Variants in KIF9 observed in about 807,000 individuals in gnomAD.
KIF9 encodes the protein kinesin-like protein KIF9.
KIF9 carries 68 observed loss-of-function variants against 94.8 expected under a neutral mutation model. That is an observed-to-expected ratio of 0.72 (90% CI 0.59 to 0.88). The LOEUF (loss-of-function observed/expected upper bound fraction) is 0.88. KIF9 is among the 40% of genes least tolerant of loss of function. The pLI is 0.00. For missense variants in KIF9, 882 were observed against 982.5 expected (o/e 0.90, Z 1.37); for synonymous variants, 343 against 362.1 (o/e 0.95, Z 0.60).
intron 9 of KIF9, among the ~76,000 whole-genome samples, chr3:47,258,009 C>G (rs1404942806): frequency 6.6e-6 from 1 of 152,168 alleles, no homozygotes. Context: ...CGTTTCTGCC[C>G]CTTCCACAAA....
At chr3:47,249,863 C>T (rs1407889279) in intron 10 of KIF9, among the ~76,000 whole-genome samples, 1 of 152,060 alleles carries the variant, frequency 6.6e-6, no homozygotes, top group African/African-American at 2.4e-5. Context: ...TTCGAGACCA[C>T]CCTTGTGAAA....
chr3:47,247,453 C>A lies in KIF9; in HGVS notation c.1153G>T (p.Asp385Tyr). The A allele has an allele frequency of 1.2e-6, 2 of 1,613,712 alleles. No homozygotes were observed. The highest frequency in any genetic ancestry group is 1.3e-5 in the African/African-American group (1 of 75,060). ...GCAATCTGGATTTCATCCATGGGGT[C>A]ATAGGTCACAAAGGTGCGGTTGGTC... ...SLTNRTFVTY[D>Y]PMDEIQIAEI... is the part of the protein sequence containing the mutation. Residue 385 changes from aspartate to tyrosine, a missense_variant, in exon 12 of 21, where the codon GAC becomes TAC. By Grantham distance (160) the Asp-to-Tyr change is radical. Transcript: ENST00000684063.
chr3:47,260,061 CG>C (rs1001713404), intron 9 of KIF9, among the ~76,000 whole-genome samples: 1 of 118,226 alleles, frequency 8.5e-6, no homozygotes, highest in African/African-American at 3.3e-5. Flanking sequence ...TGGAATGTCT[CG>C]GTATAAAACC....
At position 47,236,160 on chromosome 3, in the gene KIF9, G is replaced by T. The variant is rs375567605; in HGVS notation, c.2102-11C>A. The T allele has an allele frequency of 1.3e-5, 20 of 1,595,684 alleles. No homozygotes were observed. The highest frequency in any genetic ancestry group is 1.7e-5 in the Non-Finnish European group (20 of 1,163,408). On this transcript the variant is annotated splice_polypyrimidine_tract_variant and intron_variant, in intron 18 of 20. Coordinates refer to ENST00000684063, the MANE Select transcript of KIF9 (RefSeq NM_182902.4). ...ACCAGATGTCAAATTCTACAAGGAG[G>T]TGAGGAGACAGAACTTGAGGAAGCC...
chr3:47,266,177 C>T (rs560160149), intron 7 of KIF9: 103 of 295,750 alleles, frequency 3.5e-4, no homozygotes, highest in African/African-American at 1.9e-3. Flanking sequence ...TGAATATGTA[C>T]TGAAATACTT....
chr3:47,233,307 A>G (rs1004921992), intron 20 of KIF9, among the ~76,000 whole-genome samples: 1 of 146,214 alleles, frequency 6.8e-6, no homozygotes, highest in African/African-American at 2.5e-5. Flanking sequence ...AGTTGCAGTG[A>G]GCCAAGACTG....
chr3:47,274,560 T>C (rs570812923), intron 3 of KIF9, among the ~76,000 whole-genome samples: 25 of 152,310 alleles, frequency 1.6e-4, no homozygotes, highest in Non-Finnish European at 2.6e-4. Flanking sequence ...AGCATCTGAG[T>C]TGGAGCCAGA....
chr3:47,249,860 C>T (rs1575991400), intron 10 of KIF9, among the ~76,000 whole-genome samples: 1 of 152,164 alleles, frequency 6.6e-6, no homozygotes, highest in South Asian at 2.1e-4. Flanking sequence ...GAGTTCGAGA[C>T]CACCCTTGTG....
At chr3:47,273,729 T>C (rs1701790574) in intron 3 of KIF9, 71 bp from the exon 4 acceptor site, 1 of 1,353,874 alleles carries the variant, frequency 7.4e-7, no homozygotes, top group Non-Finnish European at 1.0e-6. Flanking sequence ...TCTCCCAGCA[T>C]GCCTGGTGCC....
In KIF9 at chr3:47,243,073, T is replaced by C. The variant is rs1365205766; in HGVS notation, c.1687A>G (p.Lys563Glu). The C allele has an allele frequency of 6.2e-7, 1 of 1,611,236 alleles. No homozygotes were observed. ...SIEPLPSDSP[K>E]EELRPIRPDT... ...TACCTAATTGGGCGTAATTCCTCCT[T>C]CGGGGAGTCTGAGGGAAGGGGCTCA... Residue 563 changes from lysine to glutamate, a missense_variant, in exon 16 of 21, where the codon AAG becomes GAG. Coordinates refer to ENST00000684063, the MANE Select transcript of KIF9 (RefSeq NM_182902.4).
At position 47,248,061 on chromosome 3, in the gene KIF9, T is replaced by C. The variant is rs1700041016; in HGVS notation, c.1085A>G (p.Glu362Gly). The C allele has an allele frequency of 1.2e-6, 2 of 1,613,818 alleles. No homozygotes were observed. The highest frequency in any genetic ancestry group is 2.7e-5 in the African/African-American group (2 of 74,978). Residue 362 changes from glutamate to glycine, a missense_variant, in exon 11 of 21, where the codon GAA becomes GGA. Glu to Gly is a moderately conservative substitution (Grantham distance 98, BLOSUM62 -2). Coordinates refer to ENST00000684063, the MANE Select transcript of KIF9 (RefSeq NM_182902.4). ...AERMVKNLEK[E>G]LALLKQELAI... is the part of the protein sequence containing the mutation. ...CAGCTCCTGCTTGAGTAGTGCTAGT[T>C]CCTTCTCCAGGTTCTTGACCATTCT...
Position 47,277,489 on chromosome 3 carries a change from T to C in KIF9, c.-5-110A>G, listed in dbSNP as rs1265106473. 1.3e-5 allele frequency: 9 copies of C among 710,028 alleles called. No individual in the cohort carries two copies. The Admixed American group carries it at 1.5e-4, about 12-fold the overall frequency. The allele number at this position is 710,028 out of a possible 1,614,324, so 44.0% of individuals were successfully genotyped here. ...AAAAGAGTGACGAGCAGTCCATTTT[T>C]CCCTCTCTCCCTGAAAGCCAGTTTT... On this transcript the variant is annotated intron_variant, in intron 1 of 20. Coordinates refer to ENST00000684063, the MANE Select transcript of KIF9 (RefSeq NM_182902.4).
In KIF9 at chr3:47,271,336, T is replaced by C; in HGVS notation, c.492A>G (p.Thr164=). 1 of 1,613,984 alleles carries C rather than the reference T, an allele frequency of 6.2e-7. No homozygotes were observed. The highest frequency in any genetic ancestry group is 8.5e-7 in the Non-Finnish European group (1 of 1,179,980). Residue 164 remains threonine, a synonymous_variant, in exon 5 of 21, where the codon ACA becomes ACG. Transcript: ENST00000684063. The stretch of plus-strand genomic sequence containing the variant: ...GAGGGTTTTCCACGATGGTCATTGG[T>C]GTGACTGAGGGTCCAACATAGGGCA... ...STLPYVGPSV[T]PMTIVENPQG... is the part of the protein sequence containing the mutation.
rs142053755 is a variant in KIF9, at chr3:47,271,145, A to AAAAAAG, written c.591+86_591+91dup. On this transcript the variant is annotated intron_variant, in intron 5 of 20. Coordinates refer to ENST00000684063, the MANE Select transcript of KIF9 (RefSeq NM_182902.4). The stretch of plus-strand genomic sequence containing the variant: ...GGAGAAAAACCAAGATCCTGTCTCA[A>AAAAAAG]AAAAAGAAAAAGAAAAAGAAAAAGA... The AAAAAAG allele has an allele frequency of 2.6e-4, 226 of 870,430 alleles. No homozygotes were observed. In the African/African-American group the frequency reaches 3.5e-3, roughly 14 times the overall value. 53.9% of individuals were successfully genotyped at this position (870,430 alleles called of 1,614,324 possible).
chr3:47,260,447 T>C (rs1281630021), intron 9 of KIF9, among the ~76,000 whole-genome samples: 1 of 152,120 alleles, frequency 6.6e-6, no homozygotes, highest in African/African-American at 2.4e-5. Context: ...TCCAAATCTC[T>C]CGTCCCACCT....
chr3:47,264,224 A>G (rs1701152684), intron 9 of KIF9, 62 bp downstream of exon 9: 3 of 1,301,156 alleles, frequency 2.3e-6, no homozygotes, highest in Admixed American at 3.4e-5. Context: ...CTGGAGCCTT[A>G]CCCTGCCCTG....
At chr3:47,264,184 G>C (rs913557665) in intron 9 of KIF9, 102 bp downstream of exon 9, 1 of 878,284 alleles carries the variant, frequency 1.1e-6, no homozygotes. Flanking sequence ...TCTTGACAAT[G>C]TCTATGGCCA....
chr3:47,230,522 C>T (rs1304049168), intron 20 of KIF9, among the ~76,000 whole-genome samples: 3 of 150,598 alleles, frequency 2.0e-5, no homozygotes, highest in South Asian at 2.1e-4. Flanking sequence ...CACCCGAGGT[C>T]GGGAGTTCGA....
chr3:47,248,982 C>T (rs946798145), intron 10 of KIF9, among the ~76,000 whole-genome samples: 5 of 152,136 alleles, frequency 3.3e-5, no homozygotes, highest in Non-Finnish European at 4.4e-5. Context: ...GCAATCCTCT[C>T]GCCTCGGCCT....
Sources: gnomAD v4.1 joint callset for allele counts (sites outside exome capture counted in the v4.1 genomes callset) on GRCh38, gnomAD v4.1.1 for gene constraint, MANE v1.5 for transcripts, NCBI Gene and HGNC (gene_info 2026-07-23, HGNC 2026-07-21) for gene names.